The following EEF2K variants were observed in gnomAD, a reference collection of about 807,000 sequenced individuals.
EEF2K encodes eukaryotic elongation factor 2 kinase, also known as alternative protein EEF2K.
Under a neutral mutation model 93.8 loss-of-function variants are expected in EEF2K, and 70 were observed. The observed-to-expected ratio is 0.75, with a 90% CI of 0.62 to 0.91. The LOEUF (loss-of-function observed/expected upper bound fraction) is 0.91. Among genes scored for constraint, EEF2K ranks in the 40% least tolerant of loss-of-function variants. The pLI is 0.00. For missense variants in EEF2K, 935 were observed against 972.9 expected (o/e 0.96, Z 0.52); for synonymous variants, 376 against 380.8 (o/e 0.99, Z 0.15).
intron 6 of EEF2K, among the ~76,000 whole-genome samples, chr16:22,251,810 T>C (rs1416221426): frequency 6.6e-6 from 1 of 151,990 alleles, no homozygotes; most frequent in Non-Finnish European, 1.5e-5. Context: ...TTTATTTTTT[T>C]TGAGACAGGA....
At chr16:22,230,742 T>A (rs1381143653) in intron 2 of EEF2K, among the ~76,000 whole-genome samples, 1 of 152,150 alleles carries the variant, frequency 6.6e-6, no homozygotes, top group African/African-American at 2.4e-5. Flanking sequence ...CCCAGGCTAG[T>A]CCAAAGATGA....
At chr16:22,233,046 G>T (rs1049439508) in intron 2 of EEF2K, among the ~76,000 whole-genome samples, 3 of 152,220 alleles carry the variant, frequency 2.0e-5, no homozygotes, top group Non-Finnish European at 4.4e-5. Context: ...CCGTGGAGAC[G>T]TGGCAGAACC....
chr16:22,226,420 T>A (rs944357425), intron 2 of EEF2K, among the ~76,000 whole-genome samples: 4 of 150,810 alleles, frequency 2.7e-5, no homozygotes, highest in Non-Finnish European at 1.5e-5. Flanking sequence ...AGATCTTATT[T>A]CTTTGTAAAA....
intron 1 of EEF2K, among the ~76,000 whole-genome samples, chr16:22,213,177 G>A (rs1224140075): frequency 1.3e-5 from 2 of 152,322 alleles, no homozygotes; most frequent in East Asian, 1.9e-4. Context: ...CTACTCAGGA[G>A]GCTGAGGCAC....
At chr16:22,259,640 T>C (rs1322905191) in intron 10 of EEF2K, among the ~76,000 whole-genome samples, 3 of 152,196 alleles carry the variant, frequency 2.0e-5, no homozygotes, top group Admixed American at 6.5e-5. Flanking sequence ...TTGTCATCCA[T>C]TTAAAAATGT....
chr16:22,232,058 C>T (rs1053097109), intron 2 of EEF2K, among the ~76,000 whole-genome samples: 1 of 151,222 alleles, frequency 6.6e-6, no homozygotes, highest in African/African-American at 2.4e-5. Flanking sequence ...CTAGGTCCCT[C>T]CGCTCCAGGA....
In EEF2K at chr16:22,251,276, C is replaced by A. The variant is rs200577173; in HGVS notation, c.572C>A (p.Ala191Asp). ...GAGGACGTGCGTCTACAGATGGAGG[C>A]CAAGCTCTGGGGGGAGGAGTATAAT... ...YFEDVRLQME[A>D]KLWGEEYNRH... Residue 191 changes from alanine (A) to aspartate (D), a missense_variant, in exon 6 of 18, where the codon GCC becomes GAC. Transcript: ENST00000263026. 1.9e-6 allele frequency: 3 copies of A among 1,614,168 alleles called. No individual in the cohort carries two copies. Among genetic ancestry groups the A allele is most frequent in the African/African-American group, 2.7e-5 (2 of 75,060 alleles).
chr16:22,259,036 T>C (rs1466774097), intron 10 of EEF2K, among the ~76,000 whole-genome samples: 3 of 152,080 alleles, frequency 2.0e-5, no homozygotes, highest in African/African-American at 7.2e-5. Flanking sequence ...AAAATCTAAA[T>C]AGATATTAAC....
intron 16 of EEF2K, among the ~76,000 whole-genome samples, chr16:22,274,489 C>T (rs2047616063): frequency 6.6e-6 from 1 of 151,684 alleles, no homozygotes; most frequent in Non-Finnish European, 1.5e-5. Flanking sequence ...ACGAGGCAGC[C>T]ATTCTAACCA....
intron 1 of EEF2K, among the ~76,000 whole-genome samples, chr16:22,219,713 G>A (rs533670614): frequency 1.3e-5 from 2 of 152,310 alleles, no homozygotes; most frequent in African/African-American, 4.8e-5. Flanking sequence ...AAATTAGCAA[G>A]TAGAAAGGAA....
chr16:22,214,398 C>G (rs746986967), intron 1 of EEF2K, among the ~76,000 whole-genome samples: 7 of 151,882 alleles, frequency 4.6e-5, no homozygotes, highest in Non-Finnish European at 1.0e-4. Context: ...GCCATGATTG[C>G]ACCATTGCAC....
chr16:22,238,118 G>T (rs977088748), intron 2 of EEF2K, among the ~76,000 whole-genome samples: 3 of 152,062 alleles, frequency 2.0e-5, no homozygotes, highest in Admixed American at 6.6e-5. Context: ...GGTGAAACCT[G>T]ATCTCTACTA....
At chr16:22,268,845 T>G (rs2047550305) in intron 15 of EEF2K, among the ~76,000 whole-genome samples, 1 of 151,638 alleles carries the variant, frequency 6.6e-6, no homozygotes, top group South Asian at 2.1e-4. Context: ...TAATCCCAGC[T>G]ACTTGGGAGG....
At chr16:22,240,606 T>A (rs2047212378) in intron 2 of EEF2K, among the ~76,000 whole-genome samples, 1 of 152,148 alleles carries the variant, frequency 6.6e-6, no homozygotes, top group South Asian at 2.1e-4. Flanking sequence ...TACCTTAAGG[T>A]ACATTTATAT....
intron 1 of EEF2K, among the ~76,000 whole-genome samples, chr16:22,212,187 A>G (rs1462504451): frequency 6.6e-6 from 1 of 152,254 alleles, no homozygotes; most frequent in Non-Finnish European, 1.5e-5. Flanking sequence ...TAGCCCTTGC[A>G]TGATGACAGT....
At chr16:22,257,431 G>A in intron 8 of EEF2K, 46 bp downstream of exon 8, 1 of 1,604,018 alleles carries the variant, frequency 6.2e-7, no homozygotes, top group Non-Finnish European at 8.5e-7. Context: ...CACGCTCCCT[G>A]CTAAAACCTC....
rs2047762088 is a variant in EEF2K at position 22,287,264 on chromosome 16, T to C, written c.*3268T>C. The C allele has an allele frequency of 6.6e-6, 1 of 152,228 alleles. No homozygotes were observed. The highest frequency in any genetic ancestry group is 2.4e-5 in the African/African-American group (1 of 41,458). The allele number at this position is 152,228 out of a possible 1,614,324, so 9.4% of individuals were successfully genotyped here. On this transcript the variant is annotated 3_prime_UTR_variant, in exon 18 of 18. Coordinates refer to ENST00000263026, the MANE Select transcript of EEF2K (RefSeq NM_013302.5). ...CTGGGCGACAGAGTGAGACTCCGTCTCGAAACCAAAAACAAGAAAAACCCC... is the reference window on the plus strand; with the variant it reads ...CTGGGCGACAGAGTGAGACTCCGTCCCGAAACCAAAAACAAGAAAAACCCC...
chr16:22,265,745 A>G (rs2047511481), intron 13 of EEF2K, among the ~76,000 whole-genome samples: 1 of 152,226 alleles, frequency 6.6e-6, no homozygotes, highest in Non-Finnish European at 1.5e-5. Flanking sequence ...TGTATCCTGC[A>G]AGAGCCTTTG....
chr16:22,260,652 C>A, intron 11 of EEF2K, 123 bp downstream of exon 11: 1 of 1,190,968 alleles, frequency 8.4e-7, no homozygotes, highest in Non-Finnish European at 1.2e-6. Flanking sequence ...GCCAGGAGGG[C>A]ACAGAATGGG....
Sources: gnomAD v4.1 joint callset for allele counts (sites outside exome capture counted in the v4.1 genomes callset) on GRCh38, gnomAD v4.1.1 for gene constraint, MANE v1.5 for transcripts, NCBI Gene and HGNC (gene_info 2026-07-23, HGNC 2026-07-21) for gene names.